CCDC148: variants seen among roughly 807,000 people sequenced by gnomAD.
CCDC148 encodes the protein coiled-coil domain-containing protein 148.
In CCDC148, 89 loss-of-function variants were observed where a neutral mutation model predicts 85.7. That is an observed-to-expected ratio of 1.04 (90% CI 0.87 to 1.24). CCDC148 has a LOEUF of 1.24. Among genes scored for constraint, CCDC148 ranks in the 50% most tolerant of loss-of-function variants. CCDC148 has a pLI of 0.00. For synonymous variants in CCDC148, 230 were observed against 213.9 expected, an observed-to-expected ratio of 1.08 and a Z score of -0.66; for missense variants, 692 against 671.7, an observed-to-expected ratio of 1.03 and a Z score of -0.33.
chr2:158,331,532 G>A (rs1693120421), intron 7 of CCDC148, among the ~76,000 whole-genome samples: 1 of 152,144 alleles, frequency 6.6e-6, no homozygotes, highest in Non-Finnish European at 1.5e-5. Flanking sequence ...TCCGCTTGGT[G>A]CAGAGCTGAG....
chr2:158,247,294 T>C (rs568629841), intron 10 of CCDC148, among the ~76,000 whole-genome samples: 1 of 152,316 alleles, frequency 6.6e-6, no homozygotes, highest in Admixed American at 6.5e-5. Context: ...TATAAGATAC[T>C]TTTAAAATTT....
intron 5 of CCDC148, 46 bp downstream of exon 5, chr2:158,340,196 C>A (rs1682605050): frequency 6.3e-7 from 1 of 1,584,196 alleles, no homozygotes; most frequent in Non-Finnish European, 8.6e-7. Context: ...CTAGTTGGGA[C>A]AAAAATGAAA....
intron 3 of CCDC148, among the ~76,000 whole-genome samples, chr2:158,343,034 G>T (rs1243723328): frequency 2.0e-5 from 3 of 151,936 alleles, no homozygotes; most frequent in African/African-American, 7.3e-5. Context: ...TTAGACATGG[G>T]GTCTCACGAT....
At chr2:158,276,450 C>A (rs1019078532) in intron 9 of CCDC148, among the ~76,000 whole-genome samples, 1 of 150,988 alleles carries the variant, frequency 6.6e-6, no homozygotes, top group Non-Finnish European at 1.5e-5. Context: ...AAAACAAAAA[C>A]AAAAAACAAA....
intron 1 of CCDC148, among the ~76,000 whole-genome samples, chr2:158,434,189 C>G (rs558767549): frequency 1.3e-5 from 2 of 152,298 alleles, no homozygotes; most frequent in East Asian, 3.9e-4. Flanking sequence ...GGTCCCTGAT[C>G]CCTGAGTAGC....
At chr2:158,358,641 G>C (rs1683783790) in intron 1 of CCDC148, 71 bp from the exon 2 acceptor site, 2 of 1,045,076 alleles carry the variant, frequency 1.9e-6, no homozygotes, top group South Asian at 3.8e-5. Flanking sequence ...ATATAATTAG[G>C]GCAACATGTT....
Position 158,178,901 on chromosome 2 carries a change from C to A in CCDC148, c.1466G>T (p.Arg489Leu), listed in dbSNP as rs369318184. The A allele has an allele frequency of 1.2e-6, 2 of 1,613,138 alleles. No homozygotes were observed. The highest frequency in any genetic ancestry group is 2.2e-5 in the East Asian group (1 of 44,826). The change falls in exon 12 of 14, where the codon CGG (arginine) becomes CTG (leucine). Residue 489 changes from arginine to leucine, a missense_variant. Arg to Leu is a moderately radical substitution (Grantham distance 102, BLOSUM62 -2). Transcript: ENST00000283233. ...EAHEDKERAR[R>L]LEALRKQVAV... Reference sequence around the variant, plus strand: ...CACCTGTTTCCTAAGGGCTTCTAGCCGCCGTGCTCTCTCTTTGTCTTCATG... The same window carrying A: ...CACCTGTTTCCTAAGGGCTTCTAGCAGCCGTGCTCTCTCTTTGTCTTCATG...
intron 9 of CCDC148, among the ~76,000 whole-genome samples, chr2:158,272,496 G>A (rs941828379): frequency 6.6e-6 from 1 of 152,160 alleles, no homozygotes; most frequent in African/African-American, 2.4e-5. Flanking sequence ...TGACATAGAT[G>A]AGAAAAAGAG....
At position 158,367,778 on chromosome 2, in the gene CCDC148, T is replaced by C. The variant is rs140734029; in HGVS notation, c.26-9208A>G. Among the ~76,000 whole-genome samples, 21 of 152,342 alleles carry C rather than the reference T, an allele frequency of 1.4e-4. No homozygotes were observed. In the East Asian group the frequency reaches 4.0e-3, roughly 29 times the overall value. On this transcript the variant is annotated intron_variant, in intron 1 of 13. Transcript: ENST00000283233. ...CCTGACCTGCATACTTTAATCGTTATATATAAATCATGTATAATTTCTACT... is the reference window on the plus strand; with the variant it reads ...CCTGACCTGCATACTTTAATCGTTACATATAAATCATGTATAATTTCTACT...
intron 3 of CCDC148, 85 bp from the exon 4 acceptor site, chr2:158,340,765 T>G (rs1219236944): frequency 1.3e-6 from 1 of 778,184 alleles, no homozygotes; most frequent in Non-Finnish European, 2.1e-6. Flanking sequence ...ATATTTAGTC[T>G]AATATGGCTT....
At chr2:158,283,459 G>A (rs1327397562) in intron 9 of CCDC148, among the ~76,000 whole-genome samples, 2 of 152,262 alleles carry the variant, frequency 1.3e-5, no homozygotes, top group Admixed American at 6.5e-5. Context: ...TCAAAAAGTG[G>A]GCAAAGGATA....
chr2:158,411,305 C>T (rs1686248581), intron 1 of CCDC148, among the ~76,000 whole-genome samples: 1 of 152,004 alleles, frequency 6.6e-6, no homozygotes, highest in Non-Finnish European at 1.5e-5. Context: ...TTCTCCTTCC[C>T]TATGACTCTG....
intron 7 of CCDC148, among the ~76,000 whole-genome samples, chr2:158,315,586 C>G (rs950848419): frequency 6.6e-6 from 1 of 152,000 alleles, no homozygotes; most frequent in African/African-American, 2.4e-5. Context: ...TAGGTCCAAC[C>G]AGTTCTCTGT....
chr2:158,269,137 T>C (rs1316074855), intron 9 of CCDC148, among the ~76,000 whole-genome samples: 3 of 152,178 alleles, frequency 2.0e-5, no homozygotes, highest in Non-Finnish European at 4.4e-5. Context: ...GGAACACCTA[T>C]ACCATTTTTT....
Position 158,309,695 on chromosome 2 carries a change from G to A in CCDC148, c.904-56C>T, listed in dbSNP as rs1259314029. On this transcript the variant is annotated intron_variant, in intron 8 of 13. Coordinates refer to ENST00000283233, the MANE Select transcript of CCDC148 (RefSeq NM_138803.4). ...CATTATGAAAATGAGCTTACATTTT[G>A]CATCATTGTTACAAAAATGAAAAGA... is the stretch of plus-strand genomic sequence containing the variant. The A allele has an allele frequency of 3.4e-6, 4 of 1,179,242 alleles. No homozygotes were observed. The East Asian group carries it at 7.4e-5, about 22-fold the overall frequency. The allele number at this position is 1,179,242 out of a possible 1,614,324, so 73.0% of individuals were successfully genotyped here.
intron 9 of CCDC148, 55 bp downstream of exon 9, chr2:158,309,378 A>C: frequency 1.4e-6 from 2 of 1,450,758 alleles, no homozygotes; most frequent in Non-Finnish European, 1.9e-6. Flanking sequence ...ACAAAAGGGA[A>C]AAATGGATTC....
chr2:158,204,516 T>C (rs949374039), intron 11 of CCDC148, among the ~76,000 whole-genome samples: 3 of 152,204 alleles, frequency 2.0e-5, no homozygotes, highest in Non-Finnish European at 1.5e-5. Flanking sequence ...GAGGCCACTA[T>C]GCTTTGAAGA....
chr2:158,396,472 C>A (rs1685527697), intron 1 of CCDC148, among the ~76,000 whole-genome samples: 1 of 152,092 alleles, frequency 6.6e-6, no homozygotes, highest in Non-Finnish European at 1.5e-5. Context: ...CCAACTTTCA[C>A]TTCTGAACTG....
At chr2:158,436,228 T>C (rs1318220711) in intron 1 of CCDC148, among the ~76,000 whole-genome samples, 2 of 152,180 alleles carry the variant, frequency 1.3e-5, no homozygotes, top group Non-Finnish European at 2.9e-5. Context: ...TAGTTGGAAG[T>C]AAAGCACTCC....
Sources: gnomAD v4.1 joint callset for allele counts (sites outside exome capture counted in the v4.1 genomes callset) on GRCh38, gnomAD v4.1.1 for gene constraint, MANE v1.5 for transcripts, NCBI Gene and HGNC (gene_info 2026-07-23, HGNC 2026-07-21) for gene names.